The following SUCLG2 variants were observed in gnomAD, a reference collection of about 807,000 sequenced individuals.
The protein encoded by SUCLG2 is succinate-CoA ligase GDP-forming subunit beta, also known as succinate--CoA ligase [GDP-forming] subunit beta, mitochondrial.
A neutral mutation model predicts 47.9 loss-of-function variants in SUCLG2; 42 were observed. That is an observed-to-expected ratio of 0.88 (90% confidence interval 0.69 to 1.14). The LOEUF is 1.14. Ranked by LOEUF, SUCLG2 falls within the 50% of genes most tolerant of loss-of-function variation. The pLI is 0.00. For synonymous variants in SUCLG2, 195 were observed against 197.3 expected (o/e 0.99, Z 0.10); for missense variants, 571 against 525.9 (o/e 1.09, Z -0.84).
At chr3:67,385,142 C>G (rs185878541) in intron 10 of SUCLG2, among the ~76,000 whole-genome samples, 13 of 152,300 alleles carry the variant, frequency 8.5e-5, no homozygotes, top group Admixed American at 5.9e-4. Flanking sequence ...ACTGACTAGT[C>G]ACTCAGAAGA....
chr3:67,377,069 C>T (rs1702048516), intron 10 of SUCLG2, among the ~76,000 whole-genome samples: 2 of 152,232 alleles, frequency 1.3e-5, no homozygotes, highest in South Asian at 2.1e-4. Flanking sequence ...ATGCCAGGCA[C>T]AGTGCTAAGT....
chr3:67,528,036 G>T, intron 4 of SUCLG2, 96 bp downstream of exon 4: 1 of 1,059,072 alleles, frequency 9.4e-7, no homozygotes, highest in Non-Finnish European at 1.4e-6. Context: ...CTGCCAAAGA[G>T]CAGTACTTCA....
intron 1 of SUCLG2, among the ~76,000 whole-genome samples, chr3:67,626,427 A>T (rs563062798): frequency 1.3e-5 from 2 of 152,214 alleles, no homozygotes; most frequent in Admixed American, 1.3e-4. Flanking sequence ...CACGGGCCCA[A>T]GAGATGAAAT....
intron 2 of SUCLG2, among the ~76,000 whole-genome samples, chr3:67,565,384 G>A (rs1707425813): frequency 6.6e-6 from 1 of 152,124 alleles, no homozygotes; most frequent in African/African-American, 2.4e-5. Flanking sequence ...AAATATCTAT[G>A]TGAAAAGTAG....
chr3:67,540,163 A>G (rs1290545920), intron 2 of SUCLG2, among the ~76,000 whole-genome samples: 4 of 151,350 alleles, frequency 2.6e-5, no homozygotes, highest in Non-Finnish European at 5.9e-5. Flanking sequence ...TGTCGATTTT[A>G]GCTCTTTCTT....
intron 2 of SUCLG2, among the ~76,000 whole-genome samples, chr3:67,599,516 G>T (rs920221940): frequency 6.6e-6 from 1 of 152,130 alleles, no homozygotes; most frequent in African/African-American, 2.4e-5. Context: ...CTAATGGACA[G>T]ATCATTTATA....
intron 2 of SUCLG2, among the ~76,000 whole-genome samples, chr3:67,595,417 A>C (rs778446588): frequency 2.6e-5 from 4 of 152,154 alleles, no homozygotes; most frequent in Non-Finnish European, 5.9e-5. Context: ...AAGGGAAGAC[A>C]CAGAACGTCA....
chr3:67,569,449 C>G (rs936543026), intron 2 of SUCLG2, among the ~76,000 whole-genome samples: 3 of 152,160 alleles, frequency 2.0e-5, no homozygotes, highest in Admixed American at 1.3e-4. Flanking sequence ...TCAGAGCCAC[C>G]GGGGCATGGC....
intron 9 of SUCLG2, among the ~76,000 whole-genome samples, chr3:67,402,387 T>A (rs1167681035): frequency 6.6e-6 from 1 of 152,154 alleles, no homozygotes; most frequent in Non-Finnish European, 1.5e-5. Context: ...CTTATTGAAA[T>A]TCAACAAAAA....
At chr3:67,499,720 G>GTTTGTTTATTTATTTATTTATTTATTTA (rs573806231) in intron 7 of SUCLG2, among the ~76,000 whole-genome samples, 6 of 150,746 alleles carry the variant, frequency 4.0e-5, no homozygotes, top group African/African-American at 1.5e-4. Flanking sequence ...TTGTTTGTTT[G>GTTTGTTTATTTATTTATTTATTTATTTA]TTTATTTATT....
chr3:67,597,600 C>A (rs1216738806), intron 2 of SUCLG2, among the ~76,000 whole-genome samples: 1 of 152,168 alleles, frequency 6.6e-6, no homozygotes, highest in Non-Finnish European at 1.5e-5. Flanking sequence ...TTCTCTTGTT[C>A]ATCCTTCATT....
intron 4 of SUCLG2, among the ~76,000 whole-genome samples, chr3:67,527,508 G>A (rs923659333): frequency 1.3e-5 from 2 of 152,168 alleles, no homozygotes; most frequent in African/African-American, 2.4e-5. Flanking sequence ...ATTGGCAGGA[G>A]GGAGAGTTAG....
intron 1 of SUCLG2, among the ~76,000 whole-genome samples, chr3:67,642,523 T>C (rs1451596394): frequency 6.6e-6 from 1 of 152,022 alleles, no homozygotes; most frequent in African/African-American, 2.4e-5. Flanking sequence ...GAACAGAGGA[T>C]TCATTGTGCC....
chr3:67,541,471 G>C (rs1706709654), intron 2 of SUCLG2, among the ~76,000 whole-genome samples: 1 of 152,138 alleles, frequency 6.6e-6, no homozygotes, highest in Non-Finnish European at 1.5e-5. Context: ...ACAGAAAAAA[G>C]AGTGAAAAGC....
chr3:67,398,730 A>C (rs2106809125), intron 10 of SUCLG2, among the ~76,000 whole-genome samples: 1 of 152,324 alleles, frequency 6.6e-6, no homozygotes, highest in African/African-American at 2.4e-5. Context: ...ACATATGTTT[A>C]TTGCAGCACT....
chr3:67,652,474 T>C (rs558042865), intron 1 of SUCLG2, among the ~76,000 whole-genome samples: 1 of 152,126 alleles, frequency 6.6e-6, no homozygotes, highest in Non-Finnish European at 1.5e-5. Context: ...CAAGGGACTA[T>C]GGAAACGTAA....
chr3:67,431,414 T>TA (rs796213542), intron 9 of SUCLG2, among the ~76,000 whole-genome samples: 28 of 152,170 alleles, frequency 1.8e-4, no homozygotes, highest in African/African-American at 6.3e-4. Flanking sequence ...CCCTTCATGC[T>TA]AAAAACTCTC....
At chr3:67,390,346 TAATC>T (rs1702353618) in intron 10 of SUCLG2, among the ~76,000 whole-genome samples, 1 of 152,192 alleles carries the variant, frequency 6.6e-6, no homozygotes, top group Non-Finnish European at 1.5e-5. Context: ...AGAAAAGTTT[TAATC>T]AATCAAATCA....
At chr3:67,654,367 C>T (rs1003640517) in intron 1 of SUCLG2, 136 bp downstream of exon 1, 1 of 646,592 alleles carries the variant, frequency 1.5e-6, no homozygotes, top group Non-Finnish European at 2.2e-6. Context: ...GACCCGGCGC[C>T]GCGTCACCTC....
Sources: allele counts gnomAD v4.1 joint callset (sites outside exome capture counted in the v4.1 genomes callset), GRCh38; gene constraint gnomAD v4.1.1; transcripts MANE v1.5; gene names NCBI Gene and HGNC (gene_info 2026-07-23, HGNC 2026-07-21).